The following KL variants were observed in gnomAD, a reference collection of about 807,000 sequenced individuals.
KL encodes klotho.
In KL, 62 loss-of-function variants were observed where a neutral mutation model predicts 84.2. That is an observed-to-expected ratio of 0.74 (90% CI 0.60 to 0.91). The LOEUF (loss-of-function observed/expected upper bound fraction) is 0.91. Among genes scored for constraint, KL ranks in the 40% least tolerant of loss-of-function variants. The pLI, the probability that KL is intolerant of heterozygous loss-of-function variation, is 0.00. For synonymous variants in KL, 528 were observed against 528.0 expected, an observed-to-expected ratio of 1.00 and a Z score of 0.00; for missense variants, 1,261 against 1,305.7, an observed-to-expected ratio of 0.97 and a Z score of 0.53.
At chr13:33,021,593 G>A (rs1269189214) in intron 1 of KL, among the ~76,000 whole-genome samples, 4 of 152,142 alleles carry the variant, frequency 2.6e-5, no homozygotes, top group African/African-American at 7.2e-5. Flanking sequence ...TCATTAAAAT[G>A]TATTTGGGGC....
chr13:33,042,476 T>A (rs1319197275), intron 1 of KL, among the ~76,000 whole-genome samples: 1 of 152,196 alleles, frequency 6.6e-6, no homozygotes, highest in African/African-American at 2.4e-5. Context: ...CAAACAACTC[T>A]GTGAATGTAC....
intron 1 of KL, among the ~76,000 whole-genome samples, chr13:33,031,920 C>CTT (rs143363050): frequency 6.6e-6 from 1 of 151,132 alleles, no homozygotes; most frequent in African/African-American, 2.4e-5. Context: ...TTCTAGAGTC[C>CTT]TTTTTTTTTG....
At chr13:33,020,164 G>T (rs1870522862) in intron 1 of KL, among the ~76,000 whole-genome samples, 1 of 152,208 alleles carries the variant, frequency 6.6e-6, no homozygotes, top group African/African-American at 2.4e-5. Flanking sequence ...AGTAGGGCTA[G>T]GAGATATTAA....
intron 1 of KL, among the ~76,000 whole-genome samples, chr13:33,046,470 T>A (rs1411334798): frequency 6.6e-6 from 1 of 152,184 alleles, no homozygotes; most frequent in East Asian, 1.9e-4. Flanking sequence ...AGAAATGATA[T>A]ACAGAAAAGG....
At chr13:33,019,630 T>C (rs1413708789) in intron 1 of KL, among the ~76,000 whole-genome samples, 1 of 151,564 alleles carries the variant, frequency 6.6e-6, no homozygotes, top group African/African-American at 2.4e-5. Flanking sequence ...GCAGGACAAA[T>C]AATGGAGGCC....
In KL at chr13:33,063,931, T is replaced by C; in HGVS notation, c.2784T>C (p.Tyr928=). ...NDRTAPRFGL[Y]RYAADQFEPK... is the part of the protein sequence containing the mutation. ...GCACAGCTCCGAGGTTTGGCCTCTA[T>C]CGTTATGCTGCAGATCAGTTTGAGC... Residue 928 remains tyrosine (Y), a synonymous_variant, in exon 5 of 5, where the codon TAT becomes TAC. Transcript: ENST00000380099. 2 of 1,614,188 alleles carry C rather than the reference T, an allele frequency of 1.2e-6. No homozygotes were observed. Among genetic ancestry groups the C allele is most frequent in the Non-Finnish European group, 1.7e-6 (2 of 1,180,032 alleles).
chr13:33,031,008 G>A (rs1488988074), intron 1 of KL, among the ~76,000 whole-genome samples: 2 of 152,146 alleles, frequency 1.3e-5, no homozygotes, highest in Middle Eastern at 3.2e-3. Context: ...GTTCTGGAAA[G>A]AGAGAATAAG....
chr13:33,025,298 A>T (rs935595763), intron 1 of KL, among the ~76,000 whole-genome samples: 1 of 152,150 alleles, frequency 6.6e-6, no homozygotes, highest in East Asian at 1.9e-4. Flanking sequence ...TAAGTTTTGG[A>T]CTTTGCAGAT....
intron 1 of KL, 64 bp downstream of exon 1, chr13:33,017,323 G>A: frequency 7.2e-7 from 1 of 1,394,562 alleles, no homozygotes; most frequent in Non-Finnish European, 9.6e-7. Flanking sequence ...CAGGGGCCAG[G>A]GGGAAGTGTG....
rs546909599 is a variant in KL at position 33,064,922 on chromosome 13, C to T, written c.*736C>T. ...ATAGGAAACTTTTGATAAGTATCTG[C>T]GGAAAAACAAACATGAATCCTGTGA... On this transcript the variant is annotated 3_prime_UTR_variant, in exon 5 of 5. Coordinates refer to ENST00000380099, the MANE Select transcript of KL (RefSeq NM_004795.4). 1.8e-5 allele frequency: 4 copies of T among 227,798 alleles called. No individual in the cohort carries two copies. Among genetic ancestry groups the T allele is most frequent in the East Asian group, 1.3e-4 (2 of 15,894 alleles). 14.1% of individuals were successfully genotyped at this position (227,798 alleles called of 1,614,324 possible). A position where few individuals can be genotyped will look rare whatever the true frequency, so the allele number is the denominator to read the frequency against.
At chr13:33,056,368 T>C (rs925937743) in intron 3 of KL, among the ~76,000 whole-genome samples, 1 of 152,242 alleles carries the variant, frequency 6.6e-6, no homozygotes, top group Non-Finnish European at 1.5e-5. Context: ...TGTTTTCTTG[T>C]AAATATCCAA....
intron 1 of KL, among the ~76,000 whole-genome samples, chr13:33,052,108 C>T (rs1871776014): frequency 6.6e-6 from 1 of 152,192 alleles, no homozygotes; most frequent in South Asian, 2.1e-4. Context: ...AGGCACACAG[C>T]ACCATGACTG....
Position 33,016,676 on chromosome 13 carries a change from G to A in KL, c.236G>A (p.Gly79Asp). ...AGCGCCGCCTACCAGACCGAGGGCGGCTGGCAGCAGCACGGCAAGGGTGCG... is the reference window on the plus strand; with the variant it reads ...AGCGCCGCCTACCAGACCGAGGGCGACTGGCAGCAGCACGGCAAGGGTGCG... ...VGSAAYQTEG[G>D]WQQHGKGASI... The change falls in exon 1 of 5, where the codon GGC becomes GAC. Residue 79 changes from glycine to aspartate, a missense_variant. Coordinates refer to ENST00000380099, the MANE Select transcript of KL (RefSeq NM_004795.4). 6.3e-7 allele frequency: 1 copy of A among 1,596,228 alleles called. No individual in the cohort carries two copies. The highest frequency in any genetic ancestry group is 8.5e-7 in the Non-Finnish European group (1 of 1,171,908).
chr13:33,017,425 G>T (rs1042391217), intron 1 of KL, among the ~76,000 whole-genome samples, 166 bp downstream of exon 1: 1 of 152,232 alleles, frequency 6.6e-6, no homozygotes, highest in Non-Finnish European at 1.5e-5. Flanking sequence ...CTTGGAAGGC[G>T]TGGAATTAGG....
At chr13:33,042,877 T>C (rs1348399442) in intron 1 of KL, among the ~76,000 whole-genome samples, 1 of 152,130 alleles carries the variant, frequency 6.6e-6, no homozygotes, top group Non-Finnish European at 1.5e-5. Flanking sequence ...AGACGGGGTT[T>C]CACCATGTTG....
intron 1 of KL, among the ~76,000 whole-genome samples, chr13:33,033,023 C>A (rs1360125061): frequency 6.6e-6 from 1 of 151,938 alleles, no homozygotes; most frequent in East Asian, 1.9e-4. Context: ...TATGTTTGAC[C>A]CCTCACGATG....
At chr13:33,027,046 G>A (rs1870804469) in intron 1 of KL, among the ~76,000 whole-genome samples, 1 of 152,126 alleles carries the variant, frequency 6.6e-6, no homozygotes, top group Non-Finnish European at 1.5e-5. Context: ...TTGCTGGATC[G>A]TGAAAACATA....
At chr13:33,044,640 CT>C (rs71071071) in intron 1 of KL, among the ~76,000 whole-genome samples, 32 of 52,754 alleles carry the variant, frequency 6.1e-4, no homozygotes, top group African/African-American at 2.6e-3. Context: ...AATTGATTTT[CT>C]TTTTTTTTTT....
chr13:33,022,751 A>G (rs1870622108), intron 1 of KL, among the ~76,000 whole-genome samples: 1 of 152,208 alleles, frequency 6.6e-6, no homozygotes, highest in South Asian at 2.1e-4. Context: ...CAGACTACCT[A>G]TCATATTTAT....
Sources: gnomAD v4.1 joint callset for allele counts (sites outside exome capture counted in the v4.1 genomes callset) on GRCh38, gnomAD v4.1.1 for gene constraint, MANE v1.5 for transcripts, NCBI Gene and HGNC (gene_info 2026-07-23, HGNC 2026-07-21) for gene names.